The following SSH2 variants were observed in gnomAD, a reference collection of about 807,000 sequenced individuals.
SSH2 encodes the protein protein phosphatase Slingshot homolog 2.
Under a neutral mutation model 135.2 loss-of-function variants are expected in SSH2, and 37 were observed. The observed-to-expected ratio is 0.27, with a 90% CI of 0.21 to 0.36. SSH2 has a LOEUF of 0.36. SSH2 is among the 10% of genes least tolerant of loss of function. The pLI is 1.00. For missense variants in SSH2, 1,408 were observed against 1,765.3 expected (o/e 0.80, Z 3.63); for synonymous variants, 628 against 646.2 (o/e 0.97, Z 0.43).
At chr17:29,874,120 C>T (rs1264523817) in intron 1 of SSH2, among the ~76,000 whole-genome samples, 1 of 152,010 alleles carries the variant, frequency 6.6e-6, no homozygotes, top group Non-Finnish European at 1.5e-5. Flanking sequence ...TGGCAAAACC[C>T]CATCTCTACA....
intron 2 of SSH2, among the ~76,000 whole-genome samples, chr17:29,796,623 G>A (rs1275144757): frequency 1.3e-5 from 2 of 152,100 alleles, no homozygotes; most frequent in African/African-American, 4.8e-5. Flanking sequence ...TTATAGGCGT[G>A]AGCCACCATG....
chr17:29,882,161 G>A (rs1191793943), intron 1 of SSH2, among the ~76,000 whole-genome samples: 4 of 152,154 alleles, frequency 2.6e-5, no homozygotes, highest in Admixed American at 6.5e-5. Context: ...CATACTCACT[G>A]ATGTCTGGAG....
intron 2 of SSH2, among the ~76,000 whole-genome samples, chr17:29,828,309 C>T (rs542613430): frequency 1.3e-5 from 2 of 152,256 alleles, no homozygotes; most frequent in African/African-American, 2.4e-5. Context: ...TTAAGCTACA[C>T]AACAAATTTA....
intron 3 of SSH2, among the ~76,000 whole-genome samples, chr17:29,749,098 C>CA (rs1173976736): frequency 2.0e-5 from 3 of 152,108 alleles, no homozygotes; most frequent in Non-Finnish European, 4.4e-5. Flanking sequence ...TGTAAATTAG[C>CA]AATAGTAAGA....
chr17:29,815,314 G>A (rs1446418399), intron 2 of SSH2, among the ~76,000 whole-genome samples: 1 of 151,964 alleles, frequency 6.6e-6, no homozygotes, highest in Non-Finnish European at 1.5e-5. Context: ...AGCAGAGATG[G>A]GGTTTCACCA....
rs1237369916 is a variant in SSH2, at chr17:29,651,351, A to ACCTTCT, written c.1080-552_1080-551insAGAAGG. On this transcript the variant is annotated intron_variant, in intron 12 of 15. Coordinates refer to ENST00000540801, the MANE Select transcript of SSH2 (RefSeq NM_001282129.2). The stretch of plus-strand genomic sequence containing the variant: ...TACATGAAAGGCAAATGAGGACAGA[A>ACCTTCT]CTGGAAGGGTCAGAGAAAAGCCGGA... Among the ~76,000 whole-genome samples, 3 of 152,364 alleles carry ACCTTCT rather than the reference A, an allele frequency of 2.0e-5. No individual in the cohort carries two copies. In the East Asian group the frequency reaches 5.8e-4, roughly 29 times the overall value.
intron 3 of SSH2, among the ~76,000 whole-genome samples, chr17:29,763,253 A>T (rs2041365234): frequency 6.6e-6 from 1 of 152,202 alleles, no homozygotes; most frequent in Admixed American, 6.5e-5. Flanking sequence ...GTAATAGGAA[A>T]GCACCAGGTG....
intron 2 of SSH2, among the ~76,000 whole-genome samples, chr17:29,819,510 C>T (rs761305371): frequency 9.2e-5 from 14 of 152,010 alleles, no homozygotes; most frequent in Non-Finnish European, 2.1e-4. Flanking sequence ...TTAAAAAAAA[C>T]TCTCAAACTA....
chr17:29,762,106 C>T (rs991000377), intron 3 of SSH2, among the ~76,000 whole-genome samples: 1 of 151,992 alleles, frequency 6.6e-6, no homozygotes, highest in Non-Finnish European at 1.5e-5. Context: ...GTCTCAAACT[C>T]CTGACCTCCG....
intron 3 of SSH2, among the ~76,000 whole-genome samples, chr17:29,708,613 A>G (rs977567441): frequency 1.1e-4 from 16 of 151,270 alleles, no homozygotes; most frequent in Admixed American, 1.3e-4. Flanking sequence ...AAAAACAAAC[A>G]AAAAAACCGG....
rs1017382200 is a variant in SSH2, at chr17:29,639,793, T to C, written c.1428-2991A>G. On this transcript the variant is annotated intron_variant, in intron 14 of 15. Transcript: ENST00000540801. ...GATAGGTGGGGCCTAAGTTGTACAT[T>C]ATGACCAACTGAGGCCAGTGGTTTC... is the stretch of plus-strand genomic sequence containing the variant. 2 of 152,054 alleles carry C rather than the reference T, an allele frequency of 1.3e-5. 1 individual carries two copies. Among genetic ancestry groups the C allele is most frequent in the South Asian group, 4.1e-4 (2 of 4,828 alleles). 9.4% of individuals were successfully genotyped at this position (152,054 alleles called of 1,614,324 possible).
Position 29,629,163 on chromosome 17 carries a change from T to G in SSH2, c.*1678A>C, listed in dbSNP as rs1405658049. On this transcript the variant is annotated 3_prime_UTR_variant, in exon 16 of 16. Coordinates refer to ENST00000540801, the MANE Select transcript of SSH2 (RefSeq NM_001282129.2). ...TTTCTGTAAGAAGCTACAAGAGGCTTGTTTATGACAGGCGCTGCTGCGTTA... is the reference window on the plus strand; with the variant it reads ...TTTCTGTAAGAAGCTACAAGAGGCTGGTTTATGACAGGCGCTGCTGCGTTA... The G allele has an allele frequency of 6.6e-6, 1 of 152,366 alleles. No homozygotes were observed. The highest frequency in any genetic ancestry group is 2.4e-5 in the African/African-American group (1 of 41,460). 9.4% of individuals were successfully genotyped at this position (152,366 alleles called of 1,614,324 possible).
intron 9 of SSH2, among the ~76,000 whole-genome samples, chr17:29,669,046 C>T (rs995468043): frequency 3.3e-5 from 5 of 152,056 alleles, no homozygotes; most frequent in African/African-American, 4.8e-5. Context: ...GTTAAGAGTT[C>T]GAGACCAGCC....
At chr17:29,870,469 C>T (rs923915506) in intron 1 of SSH2, among the ~76,000 whole-genome samples, 56 of 152,204 alleles carry the variant, frequency 3.7e-4, no homozygotes, top group African/African-American at 1.3e-3. Flanking sequence ...ATTATATACC[C>T]TTTATGAGGT....
intron 2 of SSH2, among the ~76,000 whole-genome samples, chr17:29,837,009 C>T (rs1300580656): frequency 6.6e-6 from 1 of 152,148 alleles, no homozygotes; most frequent in Non-Finnish European, 1.5e-5. Flanking sequence ...ATAATCTCAG[C>T]ACTTTGGGAG....
At chr17:29,634,278 A>G (rs1219963901) in intron 15 of SSH2, among the ~76,000 whole-genome samples, 1 of 152,242 alleles carries the variant, frequency 6.6e-6, no homozygotes, top group Non-Finnish European at 1.5e-5. Flanking sequence ...AGGAGAGGCA[A>G]AGAATCTATG....
chr17:29,871,194 T>TC (rs1027947862), intron 1 of SSH2, among the ~76,000 whole-genome samples: 1 of 152,068 alleles, frequency 6.6e-6, no homozygotes, highest in South Asian at 2.1e-4. Context: ...TTTTTTTTTT[T>TC]CTCTTTATTT....
intron 1 of SSH2, among the ~76,000 whole-genome samples, chr17:29,880,957 C>T (rs1010019195): frequency 2.6e-5 from 4 of 152,158 alleles, no homozygotes; most frequent in African/African-American, 7.2e-5. Flanking sequence ...AAGGACCAAA[C>T]AGCATATCCC....
At chr17:29,888,213 G>C (rs551984100) in intron 1 of SSH2, among the ~76,000 whole-genome samples, 1 of 152,076 alleles carries the variant, frequency 6.6e-6, no homozygotes, top group Non-Finnish European at 1.5e-5. Flanking sequence ...ATTCCAGCCT[G>C]ACCGAAAGAG....
Sources: allele counts gnomAD v4.1 joint callset (sites outside exome capture counted in the v4.1 genomes callset), GRCh38; gene constraint gnomAD v4.1.1; transcripts MANE v1.5; gene names NCBI Gene and HGNC (gene_info 2026-07-23, HGNC 2026-07-21).